Variants in LRRC28 observed in about 807,000 individuals in gnomAD.
The protein encoded by LRRC28 is leucine-rich repeat-containing protein 28.
Under a neutral mutation model 45.7 loss-of-function variants are expected in LRRC28, and 39 were observed. The observed-to-expected ratio is 0.85, with a 90% CI of 0.66 to 1.12. LRRC28 has a LOEUF of 1.12. Among genes scored for constraint, LRRC28 ranks in the 50% most tolerant of loss-of-function variants. The pLI is 0.00. For synonymous variants in LRRC28, 206 were observed against 178.8 expected (o/e 1.15, Z -1.22); for missense variants, 435 against 438.5 (o/e 0.99, Z 0.07).
chr15:99,280,849 A>C (rs1250032038), intron 3 of LRRC28, among the ~76,000 whole-genome samples: 1 of 151,940 alleles, frequency 6.6e-6, no homozygotes, highest in Non-Finnish European at 1.5e-5. Context: ...TGTTTGTTAG[A>C]CTGTTTAATA....
intron 2 of LRRC28, among the ~76,000 whole-genome samples, chr15:99,274,397 A>G (rs1255315135): frequency 6.6e-6 from 1 of 152,202 alleles, no homozygotes; most frequent in African/African-American, 2.4e-5. Context: ...CTTAGTATAA[A>G]ATATAAGCCT....
rs772539119 is a variant in LRRC28 at position 99,361,390 on chromosome 15, G to T, written c.750G>T (p.Gly250=). ...TGAAGCTGCTTTCCTTTTCATCAGG[G>T]CAGCGAACCGTTTTCCTCCCAGCTG... ...SEVKLLSFSS[G]QRTVFLPAEV... Residue 250 remains glycine, a synonymous_variant, in exon 8 of 10, where the codon GGG becomes GGT. Transcript: ENST00000301981. 6.2e-7 allele frequency: 1 copy of T among 1,613,846 alleles called. No individual in the cohort carries two copies. Among genetic ancestry groups the T allele is most frequent in the Non-Finnish European group, 8.5e-7 (1 of 1,179,930 alleles).
At chr15:99,320,859 A>C (rs1404473271) in intron 5 of LRRC28, 1 of 152,206 alleles carries the variant, frequency 6.6e-6, no homozygotes, top group Non-Finnish European at 1.5e-5. Context: ...GATCATTGTT[A>C]ATTCCTTCAG....
At chr15:99,255,785 ATG>A in intron 1 of LRRC28, 111 bp from the exon 2 acceptor site, 1 of 523,084 alleles carries the variant, frequency 1.9e-6, no homozygotes, top group Non-Finnish European at 3.2e-6. Context: ...GTAGGATTGA[ATG>A]TATTAATTAT....
At chr15:99,288,570 T>G (rs2082024165) in intron 5 of LRRC28, among the ~76,000 whole-genome samples, 1 of 151,560 alleles carries the variant, frequency 6.6e-6, no homozygotes, top group Admixed American at 6.6e-5. Context: ...TTGGTAGAGA[T>G]AGGGTTTCAC....
Position 99,259,320 on chromosome 15 carries a change from C to G in LRRC28, c.168+3195C>G, listed in dbSNP as rs975094686. 5.3e-6 allele frequency: 7 copies of G among 1,308,656 alleles called. No homozygotes were observed. The African/African-American group carries it at 8.7e-5, about 16-fold the overall frequency. The allele number at this position is 1,308,656 out of a possible 1,614,324, so 81.1% of individuals were successfully genotyped here. A position where few individuals can be genotyped will look rare whatever the true frequency, so the allele number is the denominator to read the frequency against. ...AGGGGCTATGAAGTTATTTACCTCA[C>G]AGAACCTGTGGTTGAATACTGCATT... On this transcript the variant is annotated intron_variant, in intron 2 of 9. Transcript: ENST00000301981.
chr15:99,263,908 A>G (rs1308567503), intron 2 of LRRC28, among the ~76,000 whole-genome samples: 1 of 152,116 alleles, frequency 6.6e-6, no homozygotes, highest in Non-Finnish European at 1.5e-5. Flanking sequence ...AGTTTAAGGA[A>G]AAAAAATGAA....
chr15:99,276,806 T>C (rs912736789), intron 3 of LRRC28, among the ~76,000 whole-genome samples, 190 bp downstream of exon 3: 2 of 152,206 alleles, frequency 1.3e-5, no homozygotes, highest in Non-Finnish European at 2.9e-5. Context: ...CATTTAAAAT[T>C]GTATTTTAAA....
At chr15:99,344,367 T>C (rs1956615783) in intron 6 of LRRC28, among the ~76,000 whole-genome samples, 1 of 152,126 alleles carries the variant, frequency 6.6e-6, no homozygotes, top group Admixed American at 6.5e-5. Context: ...CCCACTGCAT[T>C]GTCTAATTTC....
At chr15:99,258,262 A>G in intron 2 of LRRC28, 2 of 1,575,198 alleles carry the variant, frequency 1.3e-6, no homozygotes, top group Non-Finnish European at 1.7e-6. Flanking sequence ...TCACTTCAAA[A>G]CACAACAACG....
At chr15:99,375,637 T>A (rs1957607255) in intron 9 of LRRC28, among the ~76,000 whole-genome samples, 1 of 152,168 alleles carries the variant, frequency 6.6e-6, no homozygotes, top group African/African-American at 2.4e-5. Flanking sequence ...TAAATTCAAT[T>A]TATTTAATGG....
intron 2 of LRRC28, among the ~76,000 whole-genome samples, chr15:99,266,250 A>G (rs2081329595): frequency 6.6e-6 from 1 of 152,256 alleles, no homozygotes; most frequent in African/African-American, 2.4e-5. Flanking sequence ...TTCTGCTTCA[A>G]ATATGAACAG....
chr15:99,320,986 G>C (rs1353900345), intron 5 of LRRC28, among the ~76,000 whole-genome samples: 1 of 152,088 alleles, frequency 6.6e-6, no homozygotes, highest in Non-Finnish European at 1.5e-5. Flanking sequence ...ATTCTTACAA[G>C]AATGCCTCTG....
At chr15:99,260,791 G>C (rs752759921) in intron 2 of LRRC28, among the ~76,000 whole-genome samples, 58 of 152,160 alleles carry the variant, frequency 3.8e-4, no homozygotes, top group Non-Finnish European at 7.1e-4. Context: ...CCAAAACTGG[G>C]GAAAACGTTG....
In LRRC28 at chr15:99,385,539, A is replaced by G. The variant is rs149519989; in HGVS notation, c.1032-491A>G. Among the ~76,000 whole-genome samples, 685 of 152,386 alleles carry G rather than the reference A, an allele frequency of 4.5e-3. 18 individuals are homozygous for G. Among genetic ancestry groups the G allele is most frequent in the Admixed American group, 0.036 (552 of 15,310 alleles). ...TGAACTGTATTATTCAGATTCTGAA[A>G]TGACCTCTACGAGCAACCTATGTGT... is the stretch of plus-strand genomic sequence containing the variant. On this transcript the variant is annotated intron_variant, in intron 9 of 9. Transcript: ENST00000301981.
intron 8 of LRRC28, among the ~76,000 whole-genome samples, chr15:99,362,528 G>C (rs1957231447): frequency 6.6e-6 from 1 of 152,186 alleles, no homozygotes; most frequent in African/African-American, 2.4e-5. Context: ...TGTCTGTTTT[G>C]TGTAGCTCAG....
intron 3 of LRRC28, among the ~76,000 whole-genome samples, chr15:99,284,297 C>T (rs2081895975): frequency 6.6e-6 from 1 of 151,952 alleles, no homozygotes; most frequent in African/African-American, 2.4e-5. Flanking sequence ...TTTAAAGATA[C>T]ATTTATTCAG....
At chr15:99,287,993 T>A in intron 5 of LRRC28, 42 bp downstream of exon 5, 1 of 1,525,890 alleles carries the variant, frequency 6.6e-7, no homozygotes, top group Non-Finnish European at 8.8e-7. Context: ...TTGTCTATTA[T>A]AAATCTGTAT....
At chr15:99,259,880 A>G in intron 2 of LRRC28, 1 of 762,420 alleles carries the variant, frequency 1.3e-6, no homozygotes, top group Non-Finnish European at 2.4e-6. Flanking sequence ...TCCTGATGCA[A>G]AGGTGGAAGA....
Sources: allele counts gnomAD v4.1 joint callset (sites outside exome capture counted in the v4.1 genomes callset), GRCh38; gene constraint gnomAD v4.1.1; transcripts MANE v1.5; gene names NCBI Gene and HGNC (gene_info 2026-07-23, HGNC 2026-07-21).